Variants in SEPTIN4 observed in about 807,000 individuals in gnomAD.
SEPTIN4 encodes septin 4.
SEPTIN4 carries 52 observed loss-of-function variants against 107.1 expected under a neutral mutation model. The observed-to-expected ratio is 0.49, with a 90% CI of 0.39 to 0.61. The LOEUF is 0.61. SEPTIN4 is among the 20% of genes least tolerant of loss of function. The pLI, the probability that SEPTIN4 is intolerant of heterozygous loss-of-function variation, is 0.00. For synonymous variants in SEPTIN4, 417 were observed against 467.0 expected (o/e 0.89, Z 1.38); for missense variants, 1,048 against 1,243.5 (o/e 0.84, Z 2.36).
At chr17:58,532,867 TA>T (rs1347222105) in intron 3 of SEPTIN4, among the ~76,000 whole-genome samples, 4 of 152,112 alleles carry the variant, frequency 2.6e-5, no homozygotes. Flanking sequence ...GAGCAGCAGC[TA>T]GGGGAAGGCA....
At position 58,543,542 on chromosome 17, in the gene SEPTIN4, C is replaced by T; in HGVS notation, c.645G>A (p.Glu215=). The T allele has an allele frequency of 6.2e-7, 1 of 1,614,182 alleles. No homozygotes were observed. ...EPIQRITTTS[E]IRSPRSPSLL... ...GAGAGGGACTCCTTGGAGATCTGATCTCACTAGTAGTCGTAATTCTTTGGA... is the reference window on the plus strand; with the variant it reads ...GAGAGGGACTCCTTGGAGATCTGATTTCACTAGTAGTCGTAATTCTTTGGA... Residue 215 remains glutamate, a synonymous_variant, in exon 1 of 14, where the codon GAG becomes GAA. Coordinates refer to ENST00000672673, the MANE Select transcript of SEPTIN4 (RefSeq NM_001368771.2).
intron 5 of SEPTIN4, 120 bp from the exon 6 acceptor site, chr17:58,525,901 C>A: frequency 3.2e-6 from 3 of 926,552 alleles, no homozygotes; most frequent in Non-Finnish European, 1.6e-6. Flanking sequence ...CTAGACTAAC[C>A]AAACTATAGC....
At chr17:58,541,347 T>C (rs1354349323) in intron 2 of SEPTIN4, among the ~76,000 whole-genome samples, 1 of 151,960 alleles carries the variant, frequency 6.6e-6, no homozygotes, top group African/African-American at 2.4e-5. Context: ...GCCAAGAGTA[T>C]AAAGGGAGAG....
chr17:58,529,090 C>A, intron 3 of SEPTIN4: 2 of 1,613,946 alleles, frequency 1.2e-6, no homozygotes, highest in Non-Finnish European at 1.7e-6. Context: ...GTCACGTCCA[C>A]CCATCTCCCA....
chr17:58,540,743 A>G, intron 2 of SEPTIN4, 70 bp from the exon 3 acceptor site: 1 of 1,293,422 alleles, frequency 7.7e-7, no homozygotes, highest in Non-Finnish European at 9.8e-7. Context: ...TGCCAATAGG[A>G]GGAGAAAAAG....
chr17:58,539,675 T>C (rs2043824491), intron 3 of SEPTIN4, among the ~76,000 whole-genome samples: 1 of 152,114 alleles, frequency 6.6e-6, no homozygotes, highest in South Asian at 2.1e-4. Flanking sequence ...GAAACTTCAA[T>C]TCTTCCCCTA....
At chr17:58,541,772 A>T (rs1277907475) in intron 2 of SEPTIN4, 150 bp downstream of exon 2, 1 of 1,586,964 alleles carries the variant, frequency 6.3e-7, no homozygotes, top group Non-Finnish European at 8.6e-7. Flanking sequence ...ATTTTCAGCA[A>T]GATGAGAAGT....
chr17:58,540,860 T>G lies in SEPTIN4; in HGVS notation c.1607-187A>C, dbSNP rs1464675948. ...GCTAGTATTTACTGAGTGCTCACTGTTGCCAAGCACCGTGCTAAGTGTTTT... is the reference window on the plus strand; with the variant it reads ...GCTAGTATTTACTGAGTGCTCACTGGTGCCAAGCACCGTGCTAAGTGTTTT... On this transcript the variant is annotated intron_variant, in intron 2 of 13. Transcript: ENST00000672673. 4 of 443,250 alleles carry G rather than the reference T, an allele frequency of 9.0e-6. No homozygotes were observed. The East Asian group carries it at 1.4e-4, about 16-fold the overall frequency. The allele number at this position is 443,250 out of a possible 1,614,324, so 27.5% of individuals were successfully genotyped here. A position where few individuals can be genotyped will look rare whatever the true frequency, so the allele number is the denominator to read the frequency against.
rs1410846747 is a variant in SEPTIN4 at position 58,521,432 on chromosome 17, A to G, written c.2572-82T>C. The G allele has an allele frequency of 1.3e-5, 21 of 1,556,900 alleles. No homozygotes were observed. The highest frequency in any genetic ancestry group is 8.1e-5 in the African/African-American group (6 of 73,742). ...CCTGTATCGTCATCTTCTCTGCTTC[A>G]TTCTAGGAAGCCAGGGTCCTTTCCC... On this transcript the variant is annotated intron_variant, in intron 10 of 13. Transcript: ENST00000672673. This position sits in a 1 kb window ranked among gnomAD's most constrained non-coding sequence, Gnocchi z 6.4.
chr17:58,525,534 G>T, intron 6 of SEPTIN4, 161 bp downstream of exon 6: 1 of 655,410 alleles, frequency 1.5e-6, no homozygotes. Flanking sequence ...TTAGGGAGCT[G>T]GCTGGTGGGC....
chr17:58,525,347 T>C lies in SEPTIN4; in HGVS notation c.2093-146A>G, dbSNP rs2042732326. 3.1e-6 allele frequency: 3 copies of C among 967,510 alleles called. No individual in the cohort carries two copies. The Admixed American group carries it at 7.4e-5, about 24-fold the overall frequency. The allele number at this position is 967,510 out of a possible 1,614,324, so 59.9% of individuals were successfully genotyped here. ...TCCCAAGCTGTCTGGGGGACTGTTC[T>C]CTGGGAACCAGCAAGGAGTACATTT... On this transcript the variant is annotated intron_variant, in intron 6 of 13. Coordinates refer to ENST00000672673, the MANE Select transcript of SEPTIN4 (RefSeq NM_001368771.2).
intron 3 of SEPTIN4, chr17:58,529,315 A>C: frequency 3.3e-6 from 5 of 1,523,722 alleles, no homozygotes; most frequent in East Asian, 2.4e-5. Context: ...TTTCTCTTTG[A>C]CCCCCTTCTG....
chr17:58,520,857 G>GGGTT lies in SEPTIN4; in HGVS notation c.2832-19_2832-16dup. The GGGTT allele has an allele frequency of 2.5e-6, 4 of 1,614,028 alleles. No individual in the cohort carries two copies. Among genetic ancestry groups the GGGTT allele is most frequent in the Non-Finnish European group, 3.4e-6 (4 of 1,179,994 alleles). On this transcript the variant is annotated splice_polypyrimidine_tract_variant and intron_variant, in intron 12 of 13. Coordinates refer to ENST00000672673, the MANE Select transcript of SEPTIN4 (RefSeq NM_001368771.2). Reference sequence around the variant, plus strand: ...GAGTCAGTTTGCTAAAGGGAGAAAAGGGTTGATAAGGCGAGGAGGACCCCA... The same window carrying GGGTT: ...GAGTCAGTTTGCTAAAGGGAGAAAAGGGTTGGTTGATAAGGCGAGGAGGACCCCA...
intron 3 of SEPTIN4, among the ~76,000 whole-genome samples, chr17:58,540,162 G>A (rs926813221): frequency 1.3e-5 from 2 of 152,184 alleles, no homozygotes; most frequent in African/African-American, 4.8e-5. Context: ...AGCGAAATCA[G>A]GACACTGCCA....
chr17:58,527,277 C>T (rs202197101), intron 3 of SEPTIN4: 3 of 573,656 alleles, frequency 5.2e-6, no homozygotes, highest in East Asian at 3.6e-5. Context: ...GTTCTGGTCT[C>T]CTTCTCAGCA....
intron 3 of SEPTIN4, chr17:58,529,086 T>C (rs1264306122): frequency 6.2e-7 from 1 of 1,613,204 alleles, no homozygotes. Context: ...ACAGGTCACG[T>C]CCACCCATCT....
chr17:58,534,071 A>C (rs963170852), intron 3 of SEPTIN4, among the ~76,000 whole-genome samples: 3 of 152,216 alleles, frequency 2.0e-5, no homozygotes, highest in Non-Finnish European at 4.4e-5. Context: ...CCTGCTGCCC[A>C]GGCAGCAGGT....
At position 58,521,295 on chromosome 17, in the gene SEPTIN4, C is replaced by T. The variant is rs139843357; in HGVS notation, c.2627G>A (p.Arg876Gln). ...GGGGTAGAGTCGACCCCGAACTCGC[C>T]GCCCTCTGGCCTCTACTACAGTGTT... ...GSNTVVEARG[R>Q]RVRGRLYPWG... The change falls in exon 11 of 14, where the codon CGG (arginine) becomes CAG (glutamine). Residue 876 changes from arginine to glutamine, a missense_variant. Arg to Gln is a conservative substitution (Grantham distance 43). Transcript: ENST00000672673. The surrounding 1 kb of genome is among the most constrained non-coding windows in gnomAD (Gnocchi z 6.4). 8.7e-4 allele frequency: 1,400 copies of T among 1,614,190 alleles called. No homozygotes were observed. The highest frequency in any genetic ancestry group is 1.1e-3 in the Non-Finnish European group (1,307 of 1,180,030).
At position 58,525,733 on chromosome 17, in the gene SEPTIN4, G is replaced by A; in HGVS notation, c.2054C>T (p.Thr685Ile). Residue 685 changes from threonine (T) to isoleucine (I), a missense_variant, in exon 6 of 14, where the codon ACT (threonine) becomes ATT (isoleucine). By Grantham distance (89) the Thr-to-Ile change is moderately conservative. Coordinates refer to ENST00000672673, the MANE Select transcript of SEPTIN4 (RefSeq NM_001368771.2). ...KSTLVNSLFLTDLYRDRKLLG... is the reference protein window; with the variant it reads ...KSTLVNSLFLIDLYRDRKLLG... ...AAGTTTCCGGTCCCGGTACAGATCA[G>A]TGAGGAAGAGGCTATTGACAAGTGT... is the stretch of plus-strand genomic sequence containing the variant. 6.2e-7 allele frequency: 1 copy of A among 1,614,194 alleles called. No individual in the cohort carries two copies. Among genetic ancestry groups the A allele is most frequent in the Non-Finnish European group, 8.5e-7 (1 of 1,180,036 alleles).
Sources: allele counts gnomAD v4.1 joint callset (sites outside exome capture counted in the v4.1 genomes callset), GRCh38; gene constraint gnomAD v4.1.1; non-coding constraint Gnocchi (gnomAD v3.1); transcripts MANE v1.5; gene names NCBI Gene and HGNC (gene_info 2026-07-23, HGNC 2026-07-21).